Variants in RBM4B observed in about 807,000 individuals in gnomAD.
The protein encoded by RBM4B is RNA-binding protein 4B.
Under a neutral mutation model 28.5 loss-of-function variants are expected in RBM4B, and 13 were observed. The ratio of observed to expected loss-of-function variants is 0.46; its 90% CI spans 0.30 to 0.72. The LOEUF (loss-of-function observed/expected upper bound fraction) is 0.72. RBM4B is among the 30% of genes least tolerant of loss of function. RBM4B has a pLI of 0.09. For synonymous variants in RBM4B, 167 were observed against 179.1 expected (o/e 0.93, Z 0.54); for missense variants, 387 against 477.6 (o/e 0.81, Z 1.77).
rs1186002093 is a variant in RBM4B at position 66,676,898 on chromosome 11, T to C, written c.182A>G (p.His61Arg). The C allele has an allele frequency of 1.2e-6, 2 of 1,614,182 alleles. No homozygotes were observed. Among genetic ancestry groups the C allele is most frequent in the East Asian group, 2.2e-5 (1 of 44,888 alleles). The change falls in exon 2 of 4, where the codon CAT becomes CGT. Residue 61 changes from histidine to arginine, a missense_variant. His to Arg is a conservative substitution (Grantham distance 29). Coordinates refer to ENST00000310046, the MANE Select transcript of RBM4B (RefSeq NM_031492.4). ...AIRNLHHYKL[H>R]GVNINVEASK... The stretch of plus-strand genomic sequence containing the variant: ...GGCTTCCACGTTGATGTTCACCCCA[T>C]GAAGCTTGTAATGGTGCAGGTTGCG...
intron 2 of RBM4B, among the ~76,000 whole-genome samples, chr11:66,674,958 C>T (rs1246106606): frequency 1.3e-5 from 2 of 152,210 alleles, no homozygotes; most frequent in Non-Finnish European, 2.9e-5. Flanking sequence ...CATTCTTTTA[C>T]ATTTTGCTCA....
intron 3 of RBM4B, 58 bp from the exon 4 acceptor site, chr11:66,665,636 G>C: frequency 1.3e-6 from 2 of 1,534,984 alleles, no homozygotes. Context: ...GCCTGGCTCC[G>C]CGTACAAGCG....
chr11:66,665,813 G>A lies in RBM4B; in HGVS notation c.*10-235C>T, dbSNP rs578238032. The A allele has an allele frequency of 4.7e-6, 7 of 1,473,928 alleles. No homozygotes were observed. The African/African-American group carries it at 8.4e-5, about 18-fold the overall frequency. 91.3% of individuals were successfully genotyped at this position (1,473,928 alleles called of 1,614,324 possible). ...TAGGACAAGATGCAATCTAGCTGAA[G>A]AATGTGTTGGTGATAAATACATCTT... On this transcript the variant is annotated intron_variant, in intron 3 of 3. Transcript: ENST00000310046.
intron 2 of RBM4B, among the ~76,000 whole-genome samples, chr11:66,670,095 C>T (rs1453785787): frequency 6.6e-6 from 1 of 152,182 alleles, no homozygotes; most frequent in Admixed American, 6.5e-5. Context: ...ATCTTGTTTC[C>T]TCTAGCTATT....
chr11:66,676,437 C>G (rs1277261959), intron 2 of RBM4B: 2 of 601,390 alleles, frequency 3.3e-6, no homozygotes, highest in Non-Finnish European at 5.8e-6. Context: ...GGTAAAGTAA[C>G]CCACAGTTTG....
chr11:66,668,443 G>A (rs1456953801), intron 3 of RBM4B, 172 bp downstream of exon 3: 30 of 580,018 alleles, frequency 5.2e-5, no homozygotes, highest in Middle Eastern at 8.9e-4. Context: ...CACCTTGACA[G>A]GCCAAATGGA....
intron 3 of RBM4B, 126 bp from the exon 4 acceptor site, chr11:66,665,704 A>G: frequency 6.8e-7 from 1 of 1,467,748 alleles, no homozygotes; most frequent in East Asian, 2.5e-5. Flanking sequence ...AAACCAAGTC[A>G]GACTGGATCT....
rs1939649785 is a variant in RBM4B at position 66,676,759 on chromosome 11, A to G, written c.321T>C (p.Cys107=). 6.2e-7 allele frequency: 1 copy of G among 1,614,002 alleles called. No individual in the cohort carries two copies. The highest frequency in any genetic ancestry group is 1.3e-5 in the African/African-American group (1 of 74,900). ...KFEEYGPVIE[C]DIVKDYAFVH... ...CGAAGGCATAATCTTTCACGATGTC[A>G]CATTCGATGACCGGACCATACTCCT... The change falls in exon 2 of 4, where the codon TGT becomes TGC. Residue 107 remains cysteine (C), a synonymous_variant. Coordinates refer to ENST00000310046, the MANE Select transcript of RBM4B (RefSeq NM_031492.4).
At chr11:66,670,236 C>T (rs183618642) in intron 2 of RBM4B, among the ~76,000 whole-genome samples, 8 of 126,528 alleles carry the variant, frequency 6.3e-5, no homozygotes, top group East Asian at 5.6e-4. Flanking sequence ...CACCCACCCC[C>T]GACCCCCCCA....
chr11:66,669,336 A>G (rs561405668), intron 2 of RBM4B, 45 bp from the exon 3 acceptor site: 1 of 1,567,888 alleles, frequency 6.4e-7, no homozygotes, highest in Non-Finnish European at 8.7e-7. Context: ...CTCACTTGAC[A>G]TTCTTTTTCC....
At chr11:66,675,921 A>G (rs1260426009) in intron 2 of RBM4B, 1 of 152,276 alleles carries the variant, frequency 6.6e-6, no homozygotes, top group African/African-American at 2.4e-5. Flanking sequence ...GTCTTCTGAC[A>G]ACCTCTTGTG....
intron 2 of RBM4B, chr11:66,676,157 A>C (rs1939629199): frequency 6.2e-6 from 1 of 160,372 alleles, no homozygotes; most frequent in Admixed American, 6.2e-5. Flanking sequence ...ATCAACAAAA[A>C]GATACTCCCG....
At chr11:66,672,856 CTAT>C (rs1418819760) in intron 2 of RBM4B, among the ~76,000 whole-genome samples, 1 of 152,194 alleles carries the variant, frequency 6.6e-6, no homozygotes, top group Non-Finnish European at 1.5e-5. Context: ...CTATGCCTCT[CTAT>C]TATTATACCT....
Position 66,677,794 on chromosome 11 carries a change from A to G in RBM4B, c.-43T>C, listed in dbSNP as rs546011122. 7.9e-5 allele frequency: 12 copies of G among 152,704 alleles called. No homozygotes were observed. Among genetic ancestry groups the G allele is most frequent in the Admixed American group, 6.5e-4 (10 of 15,296 alleles). The allele number at this position is 152,704 out of a possible 1,614,324, so 9.5% of individuals were successfully genotyped here. A position where few individuals can be genotyped will look rare whatever the true frequency, so the allele number is the denominator to read the frequency against. ...GGTGGCGGCAGCGACGGCGGCTCCC[A>G]CGTCAGAGAGAACCTTACAAAATGG... On this transcript the variant is annotated 5_prime_UTR_variant, in exon 1 of 4. Transcript: ENST00000310046.
At chr11:66,668,175 G>A (rs1939316899) in intron 3 of RBM4B, 1 of 165,278 alleles carries the variant, frequency 6.1e-6, no homozygotes, top group Admixed American at 5.5e-5. Flanking sequence ...TTGAATTCTG[G>A]TTCTACCTTT....
chr11:66,665,493 A>C lies in RBM4B; in HGVS notation c.*95T>G. 9.9e-7 allele frequency: 1 copy of C among 1,009,078 alleles called. No individual in the cohort carries two copies. The highest frequency in any genetic ancestry group is 1.5e-6 in the Non-Finnish European group (1 of 668,856). 62.5% of individuals were successfully genotyped at this position (1,009,078 alleles called of 1,614,324 possible). ...CTTTTGTTTACTGAAACATGAAGCA[A>C]TGGAAACATCCCGGCAAAGGGGACC... is the stretch of plus-strand genomic sequence containing the variant. On this transcript the variant is annotated 3_prime_UTR_variant, in exon 4 of 4. Transcript: ENST00000310046.
At chr11:66,675,394 G>C (rs1042318308) in intron 2 of RBM4B, among the ~76,000 whole-genome samples, 1 of 152,202 alleles carries the variant, frequency 6.6e-6, no homozygotes, top group Non-Finnish European at 1.5e-5. Flanking sequence ...GTTAATGGTA[G>C]GAAGTATCTG....
In RBM4B at chr11:66,668,726, A is replaced by G. The variant is rs183151984; in HGVS notation, c.978T>C (p.Ser326=). The change falls in exon 3 of 4, where the codon AGT becomes AGC. Residue 326 remains serine, a synonymous_variant. Transcript: ENST00000310046. ...TAGCTGCGGAAGCCTGAGATAATTC[A>G]CTCTCTGGCCCATAACCGTAGCCCT... ...VGEGYGYGPE[S]ELSQASAATR... 23 of 1,613,778 alleles carry G rather than the reference A, an allele frequency of 1.4e-5. No homozygotes were observed. The East Asian group carries it at 2.5e-4, about 17-fold the overall frequency.
At chr11:66,677,370 T>C (rs1939673878) in intron 1 of RBM4B, 1 of 484,100 alleles carries the variant, frequency 2.1e-6, no homozygotes, top group African/African-American at 1.9e-5. Context: ...CTTCATGTCT[T>C]AAAATGAGGG....
Sources: gnomAD v4.1 joint callset for allele counts (sites outside exome capture counted in the v4.1 genomes callset) on GRCh38, gnomAD v4.1.1 for gene constraint, MANE v1.5 for transcripts, NCBI Gene and HGNC (gene_info 2026-07-23, HGNC 2026-07-21) for gene names.